The following ZNF469 variants were observed in gnomAD, a reference collection of about 807,000 sequenced individuals.
ZNF469 encodes the protein zinc finger protein 469.
In ZNF469, 1 loss-of-function variant was observed where a neutral mutation model predicts 1.0. The ratio of observed to expected loss-of-function variants is 1.00; its 90% confidence interval spans 0.35 to 4.73. The LOEUF is 4.73. Among genes scored for constraint, ZNF469 ranks in the 30% most tolerant of loss-of-function variants. ZNF469 has a pLI of 0.16. For missense variants in ZNF469, 6,100 were observed against 5,356.3 expected (o/e 1.14, Z -4.33); for synonymous variants, 2,703 against 2,363.4 (o/e 1.14, Z -4.17).
At position 88,437,235 on chromosome 16, in the gene ZNF469, G is replaced by T. The variant is rs1389292564; in HGVS notation, c.9765G>T (p.Pro3255=). 1.0e-5 allele frequency: 16 copies of T among 1,549,188 alleles called. No homozygotes were observed. Among genetic ancestry groups the T allele is most frequent in the Non-Finnish European group, 1.4e-5 (16 of 1,146,402 alleles). Residue 3255 remains proline (P), a synonymous_variant, in exon 3 of 3, where the codon CCG becomes CCT. Coordinates refer to ENST00000565624, the MANE Select transcript of ZNF469 (RefSeq NM_001367624.2). ...AGGCCGCCGGGAGCCCGGGAGACCC[G>T]TGGGGGCAAGAGGGAGAAGCCAAGA... is the stretch of plus-strand genomic sequence containing the variant. The part of the protein sequence containing the change: ...AGKAAGSPGD[P]WGQEGEAKKD...
upstream of ZNF469, among the ~76,000 whole-genome samples, chr16:88,380,168 T>C (rs553934976): frequency 8.0e-5 from 10 of 125,096 alleles, no homozygotes; most frequent in South Asian, 2.8e-4. Flanking sequence ...CTCACAGACA[T>C]GCACTCACAC....
Position 88,436,533 on chromosome 16 carries a change from C to T in ZNF469, c.9063C>T (p.Pro3021=), listed in dbSNP as rs374160099. 62 of 1,549,428 alleles carry T rather than the reference C, an allele frequency of 4.0e-5. No homozygotes were observed. In the African/African-American group the frequency reaches 7.9e-4, roughly 20 times the overall value. The part of the protein sequence containing the change: ...SSLGDVSPEP[P]SLERERCDGG... ...TCGGAGATGTGAGCCCCGAGCCCCC[C>T]AGCCTGGAGAGAGAACGCTGTGACG... Residue 3021 remains proline, a synonymous_variant, in exon 3 of 3, where the codon CCC becomes CCT. Coordinates refer to ENST00000565624, the MANE Select transcript of ZNF469 (RefSeq NM_001367624.2).
the ZNF469 span, among the ~76,000 whole-genome samples, chr16:88,131,994 G>A: frequency 0.066 from 10,079 of 152,262 alleles, 472 homozygotes; most frequent in Admixed American, 0.14. Context: ...ACAGGGCAGC[G>A]ATGCTCCGCC....
chr16:88,322,543 C>T, the ZNF469 span, among the ~76,000 whole-genome samples: 2 of 152,218 alleles, frequency 1.3e-5, no homozygotes, highest in Admixed American at 1.3e-4. Context: ...GCACAGATGG[C>T]GGGAGCTACG....
At chr16:88,395,729 G>A (rs780188431) in intron 1 of ZNF469, among the ~76,000 whole-genome samples, 2 of 152,192 alleles carry the variant, frequency 1.3e-5, no homozygotes, top group Non-Finnish European at 2.9e-5. Flanking sequence ...AAAACCTGAA[G>A]GCAGAAGCTC....
the ZNF469 span, among the ~76,000 whole-genome samples, chr16:88,121,260 G>A: frequency 6.6e-6 from 1 of 150,958 alleles, no homozygotes; most frequent in Non-Finnish European, 1.5e-5. Context: ...CGCTGTACTT[G>A]GTGCTCTCCT....
At chr16:88,377,898 A>G in the ZNF469 span, among the ~76,000 whole-genome samples, 2 of 152,080 alleles carry the variant, frequency 1.3e-5, no homozygotes, top group African/African-American at 2.4e-5. Flanking sequence ...CCAGGAAAAA[A>G]AAATGGTTTT....
At chr16:88,312,395 C>T in the ZNF469 span, among the ~76,000 whole-genome samples, 511 of 152,342 alleles carry the variant, frequency 3.4e-3, 2 homozygotes, top group Middle Eastern at 0.044. Flanking sequence ...TGTCTCTTGA[C>T]GGGTTGGTCT....
chr16:88,115,443 T>C, the ZNF469 span, among the ~76,000 whole-genome samples: 1 of 152,024 alleles, frequency 6.6e-6, no homozygotes, highest in Non-Finnish European at 1.5e-5. Flanking sequence ...CTCCAGCTCA[T>C]GTCAGCCTTG....
the ZNF469 span, among the ~76,000 whole-genome samples, chr16:88,298,348 A>G: frequency 1.1e-3 from 166 of 152,268 alleles, 1 homozygote; most frequent in African/African-American, 3.5e-3. Flanking sequence ...AGCTGTGCAC[A>G]AGGGAGTCTC....
the ZNF469 span, among the ~76,000 whole-genome samples, chr16:88,131,706 G>C: frequency 3.9e-5 from 6 of 152,366 alleles, no homozygotes; most frequent in South Asian, 6.2e-4. Flanking sequence ...GCAGAAGGCA[G>C]GGGCTGACCT....
chr16:88,380,911 G>A, upstream of ZNF469, among the ~76,000 whole-genome samples: 1 of 59,168 alleles, frequency 1.7e-5, no homozygotes, highest in East Asian at 8.7e-4. Flanking sequence ...CACACTCACA[G>A]ACATGCACTC....
At chr16:88,251,536 G>GTGTTTTTTTTTTTTTTTTTTTTTTTTTT in the ZNF469 span, among the ~76,000 whole-genome samples, 2 of 78,810 alleles carry the variant, frequency 2.5e-5, no homozygotes, top group Non-Finnish European at 2.3e-5. Flanking sequence ...TGTCCCTGCT[G>GTGTTTTTTTTTTTTTTTTTTTTTTTTTT]TCTTTTTTTT....
In ZNF469 at chr16:88,429,753, G is replaced by C; in HGVS notation, c.2283G>C (p.Lys761Asn). ...QFCGLLLARA[K>N]DGHQRSPGPP... ...GTGGCCTGCTCCTGGCCAGGGCCAA[G>C]GATGGCCACCAGCGGTCTCCAGGCC... Residue 761 changes from lysine (K) to asparagine (N), a missense_variant, in exon 3 of 3, where the codon AAG (lysine) becomes AAC (asparagine). Physicochemically the swap from Lys to Asn is moderately conservative, Grantham distance 94 (BLOSUM62 0). Coordinates refer to ENST00000565624, the MANE Select transcript of ZNF469 (RefSeq NM_001367624.2). 1 of 1,544,756 alleles carries C rather than the reference G, an allele frequency of 6.5e-7. No individual in the cohort carries two copies. The highest frequency in any genetic ancestry group is 1.2e-5 in the South Asian group (1 of 83,970).
chr16:88,423,257 G>A (rs557162532), intron 1 of ZNF469, among the ~76,000 whole-genome samples: 2 of 151,564 alleles, frequency 1.3e-5, no homozygotes, highest in African/African-American at 4.8e-5. Context: ...ATGGATAGAT[G>A]GATGGATGGG....
the ZNF469 span, among the ~76,000 whole-genome samples, chr16:88,333,497 G>A: frequency 2.3e-5 from 3 of 127,908 alleles, no homozygotes; most frequent in South Asian, 9.3e-4. Context: ...GGTGGAGAAG[G>A]CTCGGACTTG....
the ZNF469 span, among the ~76,000 whole-genome samples, chr16:88,211,654 C>G: frequency 6.6e-6 from 1 of 152,090 alleles, no homozygotes; most frequent in Non-Finnish European, 1.5e-5. Context: ...AGGTGTTAGA[C>G]AAGGATTTGG....
the ZNF469 span, among the ~76,000 whole-genome samples, chr16:88,274,164 A>G: frequency 6.6e-6 from 1 of 152,212 alleles, no homozygotes; most frequent in African/African-American, 2.4e-5. Flanking sequence ...ACGGACCCTG[A>G]GGACATTCTG....
In ZNF469 at chr16:88,427,387, C is replaced by T. The variant is rs1905757484; in HGVS notation, c.-84C>T. ...GAGCGCAGGCTTCCCTGGGGCCCAT[C>T]GAGGGCTGAGGATGGCCGTCCAGCC... On this transcript the variant is annotated 5_prime_UTR_variant, in exon 3 of 3. It introduces an in-frame stop codon into an upstream open reading frame of the 5' UTR. Transcript: ENST00000565624. 7.4e-6 allele frequency: 10 copies of T among 1,342,878 alleles called. No homozygotes were observed. Among genetic ancestry groups the T allele is most frequent in the Non-Finnish European group, 8.8e-6 (9 of 1,017,672 alleles). 83.2% of individuals were successfully genotyped at this position (1,342,878 alleles called of 1,614,324 possible). A position where few individuals can be genotyped will look rare whatever the true frequency, so the allele number is the denominator to read the frequency against.
Sources: gnomAD v4.1 joint callset for allele counts (sites outside exome capture counted in the v4.1 genomes callset) on GRCh38, gnomAD v4.1.1 for gene constraint, MANE v1.5 for transcripts, NCBI Gene and HGNC (gene_info 2026-07-23, HGNC 2026-07-21) for gene names.